SMC1B: variants seen among roughly 807,000 people sequenced by gnomAD.
SMC1B encodes structural maintenance of chromosomes protein 1B.
A neutral mutation model predicts 157.9 loss-of-function variants in SMC1B; 60 were observed. The ratio of observed to expected loss-of-function variants is 0.38; its 90% CI spans 0.31 to 0.47. The LOEUF (loss-of-function observed/expected upper bound fraction) is 0.47, where lower values mean the gene tolerates loss of function less well. SMC1B is among the 20% of genes least tolerant of loss of function. The pLI, the probability that SMC1B is intolerant of heterozygous loss-of-function variation, is 0.99. For missense variants in SMC1B, 1,165 were observed against 1,426.2 expected, an observed-to-expected ratio of 0.82 and a Z score of 2.95; for synonymous variants, 445 against 483.0, an observed-to-expected ratio of 0.92 and a Z score of 1.03.
intron 18 of SMC1B, 79 bp from the exon 19 acceptor site, chr22:45,358,874 C>A: frequency 1.2e-6 from 1 of 846,566 alleles, no homozygotes; most frequent in South Asian, 1.5e-5. Flanking sequence ...ACTCCAAAAA[C>A]AATTACAATA....
Position 45,372,169 on chromosome 22 carries a change from C to T in SMC1B, c.2182G>A (p.Val728Ile). The T allele has an allele frequency of 6.2e-7, 1 of 1,605,558 alleles. No homozygotes were observed. Among genetic ancestry groups the T allele is most frequent in the Admixed American group, 1.7e-5 (1 of 58,326 alleles). The part of the protein sequence containing the change: ...ELEMIKKKHL[V>I]AFYQEQSQLQ... ...GTCTATATTACCTGGTAAAAAGCAA[C>T]AAGGTGCTTCTTCTTAATCATCTCT... is the stretch of plus-strand genomic sequence containing the variant. The change falls in exon 13 of 25, where the codon GTT (valine) becomes ATT (isoleucine). Residue 728 changes from valine to isoleucine, a missense_variant. Val to Ile is a conservative substitution (Grantham distance 29). Transcript: ENST00000357450.
At position 45,372,967 on chromosome 22, in the gene SMC1B, C is replaced by T. The variant is rs540166806; in HGVS notation, c.2059-675G>A. On this transcript the variant is annotated intron_variant, in intron 12 of 24. Coordinates refer to ENST00000357450, the MANE Select transcript of SMC1B (RefSeq NM_148674.5). ...TGATCTTGTGATCCACCCACCTCAG[C>T]CTCCCACAGTGCTGGGATTACAGGC... Among the ~76,000 whole-genome samples, 3 of 152,268 alleles carry T rather than the reference C, an allele frequency of 2.0e-5. No homozygotes were observed. In the South Asian group the frequency reaches 6.2e-4, roughly 32 times the overall value.
intron 6 of SMC1B, 121 bp from the exon 7 acceptor site, chr22:45,396,607 T>C (rs1382346406): frequency 1.4e-6 from 1 of 705,354 alleles, no homozygotes; most frequent in Non-Finnish European, 2.1e-6. Flanking sequence ...TTATATAAAT[T>C]AAATCATAAT....
rs765569362 is a variant in SMC1B, at chr22:45,393,692, C to A, written c.1487G>T (p.Arg496Leu). Residue 496 changes from arginine (R) to leucine (L), a missense_variant, in exon 9 of 25, where the codon CGT becomes CTT. Coordinates refer to ENST00000357450, the MANE Select transcript of SMC1B (RefSeq NM_148674.5). The stretch of plus-strand genomic sequence containing the variant: ...CAGAACCTCTGCTCTCTTTTGCTGA[C>A]GTTTTCCCTCATGGGTATCAATCCC... ...NAGIDTHEGK[R>L]QQKRAEVLEH... 1 of 1,613,962 alleles carries A rather than the reference C, an allele frequency of 6.2e-7. No individual in the cohort carries two copies. Among genetic ancestry groups the A allele is most frequent in the Non-Finnish European group, 8.5e-7 (1 of 1,180,004 alleles).
In SMC1B at chr22:45,344,647, C is replaced by G. The variant is rs369437559; in HGVS notation, c.3617G>C (p.Cys1206Ser). 1.9e-6 allele frequency: 3 copies of G among 1,612,790 alleles called. No individual in the cohort carries two copies. The highest frequency in any genetic ancestry group is 2.5e-6 in the Non-Finnish European group (3 of 1,178,930). ...LIGIYPEYDDCMFSRVLTLDL... is the reference protein window; with the variant it reads ...LIGIYPEYDDSMFSRVLTLDL... ...TAGGGTCAAAACTCGGCTGAACATG[C>G]AGTCATCGTACTAAAATGGAGAGAA... is the stretch of plus-strand genomic sequence containing the variant. The change falls in exon 25 of 25, where the codon TGC (cysteine) becomes TCC (serine). Residue 1206 changes from cysteine to serine, a missense_variant. Transcript: ENST00000357450.
chr22:45,394,767 C>A lies in SMC1B; in HGVS notation c.1255G>T (p.Gly419Ter). Reference sequence around the variant, plus strand: ...TGTTCTTTTATTTGTTTTAGATTTCCCTAAAAGAGGAAATAAAATCTAAAA... The same window carrying A: ...TGTTCTTTTATTTGTTTTAGATTTCACTAAAAGAGGAAATAAAATCTAAAA... ...FEKRRHGEVQ[G>*]NLKQIKEQIE... The change falls in exon 8 of 25, where the codon GGA becomes TGA. Residue 419 changes from glycine to a stop codon, truncating the protein, a stop_gained and splice_region_variant. Transcript: ENST00000357450. LOFTEE classifies it high-confidence loss of function. 1 of 1,524,508 alleles carries A rather than the reference C, an allele frequency of 6.6e-7. No homozygotes were observed. Among genetic ancestry groups the A allele is most frequent in the East Asian group, 2.4e-5 (1 of 41,834 alleles). The allele number at this position is 1,524,508 out of a possible 1,614,324, so 94.4% of individuals were successfully genotyped here.
Position 45,358,705 on chromosome 22 carries a change from CCT to C in SMC1B, c.2951_2952del (p.Glu984GlyfsTer8). ...AFEIDYSSLK[E>X]DLKALQSDQE... is the part of the protein sequence containing the mutation. ...AGAAAGCTTTCCATTACCTTCAAATCCTCTTTTAGAGAGCTGTAGTCTATTTC... is the reference window on the plus strand; with the variant it reads ...AGAAAGCTTTCCATTACCTTCAAATCCTTTTAGAGAGCTGTAGTCTATTTC... On this transcript the variant is annotated frameshift_variant, in exon 19 of 25. Coordinates refer to ENST00000357450, the MANE Select transcript of SMC1B (RefSeq NM_148674.5). LOFTEE classifies it high-confidence loss of function. 1 of 1,595,964 alleles carries C rather than the reference CCT, an allele frequency of 6.3e-7. No individual in the cohort carries two copies. The highest frequency in any genetic ancestry group is 1.1e-5 in the South Asian group (1 of 89,054).
chr22:45,408,944 A>AC, intron 1 of SMC1B, 46 bp from the exon 2 acceptor site: 1 of 1,240,862 alleles, frequency 8.1e-7, no homozygotes, highest in African/African-American at 1.5e-5. Context: ...TAATGATAAA[A>AC]AGCCCTACCC....
At chr22:45,360,711 G>A (rs557598194) in intron 17 of SMC1B, among the ~76,000 whole-genome samples, 95 of 152,126 alleles carry the variant, frequency 6.2e-4, no homozygotes, top group African/African-American at 2.2e-3. Context: ...AAGAGTAAAC[G>A]GACTTTAATT....
At chr22:45,358,564 T>A in intron 19 of SMC1B, 133 bp downstream of exon 19, 1 of 573,886 alleles carries the variant, frequency 1.7e-6, no homozygotes, top group East Asian at 3.1e-5. Flanking sequence ...TTTTCCTTTG[T>A]ATATTTCTTC....
chr22:45,378,714 T>C (rs1279393666), intron 12 of SMC1B, among the ~76,000 whole-genome samples: 3 of 152,222 alleles, frequency 2.0e-5, no homozygotes, highest in Non-Finnish European at 2.9e-5. Flanking sequence ...TCCTGAGTTA[T>C]CTTTTCCATT....
chr22:45,371,406 C>G (rs1329977066), intron 14 of SMC1B, 65 bp downstream of exon 14: 1 of 1,456,788 alleles, frequency 6.9e-7, no homozygotes, highest in African/African-American at 1.5e-5. Context: ...ATTTAAGAAG[C>G]CCTAAATCTA....
chr22:45,367,258 G>T (rs889127154), intron 15 of SMC1B, among the ~76,000 whole-genome samples: 6 of 152,152 alleles, frequency 3.9e-5, no homozygotes, highest in African/African-American at 7.2e-5. Flanking sequence ...TGTTTGCTTA[G>T]AAATTTGCAA....
chr22:45,350,344 C>A (rs2086600459), intron 22 of SMC1B, among the ~76,000 whole-genome samples: 1 of 151,632 alleles, frequency 6.6e-6, no homozygotes, highest in East Asian at 1.9e-4. Flanking sequence ...GTGGCACAAT[C>A]CCGGCTCACT....
intron 12 of SMC1B, among the ~76,000 whole-genome samples, chr22:45,372,920 A>G (rs1012277450): frequency 1.3e-4 from 19 of 151,980 alleles, no homozygotes; most frequent in African/African-American, 3.4e-4. Context: ...TCATCGTGTT[A>G]GCCAGGATCA....
At chr22:45,404,988 G>A (rs138936652) in intron 4 of SMC1B, among the ~76,000 whole-genome samples, 1 of 152,288 alleles carries the variant, frequency 6.6e-6, no homozygotes, top group East Asian at 1.9e-4. Context: ...ACAAAATAGG[G>A]TAATGTGCTA....
chr22:45,356,606 A>T (rs2086672011), intron 19 of SMC1B, among the ~76,000 whole-genome samples: 1 of 152,206 alleles, frequency 6.6e-6, no homozygotes, highest in Non-Finnish European at 1.5e-5. Flanking sequence ...AGGAGTAGGC[A>T]GGAAACAGTC....
At chr22:45,410,784 A>C (rs2146860766) in intron 1 of SMC1B, among the ~76,000 whole-genome samples, 1 of 152,342 alleles carries the variant, frequency 6.6e-6, no homozygotes, top group Middle Eastern at 3.4e-3. Flanking sequence ...ACTATCAGCC[A>C]CCGGAAATAT....
Position 45,344,442 on chromosome 22 carries a change from C to T in SMC1B, c.*114G>A, listed in dbSNP as rs145551051. 1 of 707,066 alleles carries T rather than the reference C, an allele frequency of 1.4e-6. No individual in the cohort carries two copies. Among genetic ancestry groups the T allele is most frequent in the South Asian group, 1.9e-5 (1 of 51,364 alleles). The allele number at this position is 707,066 out of a possible 1,614,324, so 43.8% of individuals were successfully genotyped here. ...TTTGGCTAGAACGACTAAGGTTTCT[C>T]TTAAAGGGTGCACCAGGCTGGTCCT... On this transcript the variant is annotated 3_prime_UTR_variant, in exon 25 of 25. Coordinates refer to ENST00000357450, the MANE Select transcript of SMC1B (RefSeq NM_148674.5).
Sources: allele counts gnomAD v4.1 joint callset (sites outside exome capture counted in the v4.1 genomes callset), GRCh38; gene constraint gnomAD v4.1.1; transcripts MANE v1.5; gene names NCBI Gene and HGNC (gene_info 2026-07-23, HGNC 2026-07-21).